KCNQ5: variants seen among roughly 807,000 people sequenced by gnomAD.
KCNQ5 encodes the protein potassium voltage-gated channel subfamily Q member 5.
KCNQ5 carries 30 observed loss-of-function variants against 98.2 expected under a neutral mutation model. The observed-to-expected ratio is 0.31, with a 90% CI of 0.23 to 0.41. The LOEUF (loss-of-function observed/expected upper bound fraction) is 0.41, where lower values mean the gene tolerates loss of function less well. Among genes scored for constraint, KCNQ5 ranks in the 10% least tolerant of loss-of-function variants. The pLI is 1.00. For missense variants in KCNQ5, 835 were observed against 1,182.5 expected (o/e 0.71, Z 4.31); for synonymous variants, 458 against 449.4 (o/e 1.02, Z -0.24).
chr6:73,051,347 T>G (rs995288861), intron 3 of KCNQ5, among the ~76,000 whole-genome samples: 3 of 152,182 alleles, frequency 2.0e-5, no homozygotes, highest in Non-Finnish European at 4.4e-5. Flanking sequence ...CTGCCCCAGT[T>G]GATGAGCATT....
chr6:72,855,199 T>G (rs889852487), intron 1 of KCNQ5, among the ~76,000 whole-genome samples: 7 of 152,160 alleles, frequency 4.6e-5, no homozygotes, highest in African/African-American at 1.2e-4. Context: ...CAAATTTTTT[T>G]AAACCAGTTC....
chr6:73,120,806 T>G (rs1177637079), intron 8 of KCNQ5, among the ~76,000 whole-genome samples: 1 of 152,186 alleles, frequency 6.6e-6, no homozygotes, highest in Admixed American at 6.5e-5. Flanking sequence ...TAATGTAAAT[T>G]TTATAGAGAT....
At chr6:72,841,236 T>C (rs1387864306) in intron 1 of KCNQ5, among the ~76,000 whole-genome samples, 1 of 152,168 alleles carries the variant, frequency 6.6e-6, no homozygotes, top group East Asian at 1.9e-4. Context: ...GCATTACCAC[T>C]ATTTTGACTA....
At chr6:72,883,523 A>G (rs1778728841) in intron 1 of KCNQ5, among the ~76,000 whole-genome samples, 1 of 152,186 alleles carries the variant, frequency 6.6e-6, no homozygotes, top group Non-Finnish European at 1.5e-5. Flanking sequence ...AAAGAAATAA[A>G]AAGAAGAGGA....
chr6:72,640,384 G>A (rs1484578356), intron 1 of KCNQ5, among the ~76,000 whole-genome samples: 1 of 130,702 alleles, frequency 7.7e-6, no homozygotes, highest in African/African-American at 2.7e-5. Context: ...ATAGTCTATA[G>A]CCTCTTCAGA....
intron 3 of KCNQ5, among the ~76,000 whole-genome samples, chr6:73,049,224 G>A (rs781123041): frequency 2.6e-5 from 4 of 152,152 alleles, no homozygotes; most frequent in Non-Finnish European, 4.4e-5. Flanking sequence ...ATTTAAGAAC[G>A]TGGATAATGT....
At chr6:72,633,378 T>C (rs1401582251) in intron 1 of KCNQ5, among the ~76,000 whole-genome samples, 1 of 152,206 alleles carries the variant, frequency 6.6e-6, no homozygotes, top group East Asian at 1.9e-4. Context: ...GTAAGTTGTC[T>C]GTTTATAAAT....
chr6:73,157,091 G>A (rs1452910210), intron 10 of KCNQ5, among the ~76,000 whole-genome samples: 1 of 152,202 alleles, frequency 6.6e-6, no homozygotes, highest in East Asian at 1.9e-4. Context: ...TGGTGACAGC[G>A]TGAAAACAAA....
chr6:72,732,527 C>A (rs1770610088), intron 1 of KCNQ5, among the ~76,000 whole-genome samples: 1 of 152,174 alleles, frequency 6.6e-6, no homozygotes, highest in Non-Finnish European at 1.5e-5. Context: ...GGGCTTTGCC[C>A]ACTCTTATGT....
chr6:72,784,239 C>T (rs1773625300), intron 1 of KCNQ5, among the ~76,000 whole-genome samples: 1 of 152,138 alleles, frequency 6.6e-6, no homozygotes, highest in Non-Finnish European at 1.5e-5. Context: ...GCTTCCAAAC[C>T]ACCACTGCTG....
intron 1 of KCNQ5, among the ~76,000 whole-genome samples, chr6:72,883,957 C>A (rs7771181): frequency 0.6 from 91,139 of 152,000 alleles, 27,981 homozygotes; most frequent in East Asian, 0.79. Context: ...AAATGCAACT[C>A]TATATGACAT....
chr6:72,954,141 C>A (rs1482505267), intron 1 of KCNQ5, among the ~76,000 whole-genome samples: 2 of 152,188 alleles, frequency 1.3e-5, no homozygotes, highest in Admixed American at 6.5e-5. Context: ...GTTCTTTATA[C>A]AGCTTTCTTA....
chr6:72,952,993 C>T (rs1431274807), intron 1 of KCNQ5, among the ~76,000 whole-genome samples: 1 of 152,138 alleles, frequency 6.6e-6, no homozygotes, highest in Non-Finnish European at 1.5e-5. Flanking sequence ...GTAATGTGCT[C>T]TTGAATGCAA....
chr6:72,998,154 G>C (rs927787153), intron 1 of KCNQ5, among the ~76,000 whole-genome samples: 7 of 152,134 alleles, frequency 4.6e-5, no homozygotes, highest in African/African-American at 1.7e-4. Context: ...ATTTCATTAG[G>C]TGGCCTGTCC....
At chr6:72,681,188 A>G (rs1041731790) in intron 1 of KCNQ5, among the ~76,000 whole-genome samples, 14 of 152,232 alleles carry the variant, frequency 9.2e-5, no homozygotes, top group Non-Finnish European at 1.5e-4. Flanking sequence ...TGAGGACGTG[A>G]GAAGAAAGCA....
intron 3 of KCNQ5, among the ~76,000 whole-genome samples, chr6:73,049,762 G>T (rs1245334238): frequency 1.3e-5 from 2 of 152,050 alleles, no homozygotes; most frequent in Non-Finnish European, 2.9e-5. Flanking sequence ...AACTGGCAAA[G>T]AACTTCTTAT....
At chr6:72,981,468 G>C (rs1370365944) in intron 1 of KCNQ5, among the ~76,000 whole-genome samples, 2 of 151,266 alleles carry the variant, frequency 1.3e-5, no homozygotes, top group Non-Finnish European at 2.9e-5. Flanking sequence ...AGTATTCTCT[G>C]ATGGTAGTTT....
chr6:73,167,925 C>T (rs756734922), intron 10 of KCNQ5, among the ~76,000 whole-genome samples: 1 of 152,192 alleles, frequency 6.6e-6, no homozygotes, highest in Non-Finnish European at 1.5e-5. Context: ...GTTCCCACAT[C>T]TTAATACTAT....
At chr6:72,926,805 T>C (rs1765444832) in intron 1 of KCNQ5, among the ~76,000 whole-genome samples, 1 of 152,180 alleles carries the variant, frequency 6.6e-6, no homozygotes, top group South Asian at 2.1e-4. Flanking sequence ...TTTATGTTTA[T>C]TTGATAATAT....
Sources: gnomAD v4.1 joint callset for allele counts (sites outside exome capture counted in the v4.1 genomes callset) on GRCh38, gnomAD v4.1.1 for gene constraint, MANE v1.5 for transcripts, NCBI Gene and HGNC (gene_info 2026-07-23, HGNC 2026-07-21) for gene names.